The following INPP5A variants were observed in gnomAD, a reference collection of about 807,000 sequenced individuals.
INPP5A encodes inositol polyphosphate-5-phosphatase A.
In INPP5A, 14 loss-of-function variants were observed where a neutral mutation model predicts 65.2. The ratio of observed to expected loss-of-function variants is 0.21; its 90% CI spans 0.14 to 0.34. INPP5A has a LOEUF of 0.34. Among genes scored for constraint, INPP5A ranks in the 10% least tolerant of loss-of-function variants. The pLI is 1.00. For missense variants in INPP5A, 431 were observed against 545.6 expected, an observed-to-expected ratio of 0.79 and a Z score of 2.09; for synonymous variants, 207 against 208.3, an observed-to-expected ratio of 0.99 and a Z score of 0.05.
chr10:132,542,209 G>T (rs914680153), intron 1 of INPP5A, among the ~76,000 whole-genome samples: 2 of 152,236 alleles, frequency 1.3e-5, no homozygotes, highest in African/African-American at 2.4e-5. Flanking sequence ...TCAGTTCTGA[G>T]CCAGTTTGCC....
chr10:132,745,755 C>T (rs1252165612), intron 9 of INPP5A, among the ~76,000 whole-genome samples: 1 of 150,334 alleles, frequency 6.7e-6, no homozygotes, highest in Non-Finnish European at 1.5e-5. Context: ...GCTGTGGTGG[C>T]CTTGGGTATG....
intron 8 of INPP5A, among the ~76,000 whole-genome samples, chr10:132,722,873 T>G (rs1845912168): frequency 6.6e-6 from 1 of 152,250 alleles, no homozygotes; most frequent in Non-Finnish European, 1.5e-5. Flanking sequence ...TCATAATAGC[T>G]ACTGACAAGG....
chr10:132,685,227 C>G (rs2073099915), intron 4 of INPP5A, among the ~76,000 whole-genome samples: 1 of 152,238 alleles, frequency 6.6e-6, no homozygotes, highest in African/African-American at 2.4e-5. Flanking sequence ...GGGCCGTGGC[C>G]TCCTCCCTCA....
At chr10:132,681,695 G>A (rs1220950115) in intron 4 of INPP5A, among the ~76,000 whole-genome samples, 1 of 152,170 alleles carries the variant, frequency 6.6e-6, no homozygotes, top group Non-Finnish European at 1.5e-5. Context: ...TATTCAAAAA[G>A]TTAAAAATAG....
rs1308121337 is a variant in INPP5A, at chr10:132,607,953, C to T, written c.114C>T (p.Tyr38=). The change falls in exon 2 of 16, where the codon TAC becomes TAT. Residue 38 remains tyrosine, a synonymous_variant. Coordinates refer to ENST00000368594, the MANE Select transcript of INPP5A (RefSeq NM_005539.5). ...AGAAGAACTGGCTTCGGGAATTTTA[C>T]CAGGTAAGAACCACTGAAACGTGTT... ...NLQKNWLREF[Y]QVVHTHKPHF... The T allele has an allele frequency of 6.2e-7, 1 of 1,612,102 alleles. No individual in the cohort carries two copies. The highest frequency in any genetic ancestry group is 1.7e-5 in the Admixed American group (1 of 60,026).
intron 11 of INPP5A, among the ~76,000 whole-genome samples, chr10:132,760,935 C>G (rs1423788317): frequency 6.6e-6 from 1 of 152,230 alleles, no homozygotes; most frequent in Non-Finnish European, 1.5e-5. Flanking sequence ...GACCCACTTT[C>G]AGAGAAAGAA....
intron 9 of INPP5A, among the ~76,000 whole-genome samples, chr10:132,738,724 A>G (rs1206452314): frequency 1.3e-5 from 2 of 152,206 alleles, no homozygotes; most frequent in Non-Finnish European, 2.9e-5. Flanking sequence ...GAGGACATGA[A>G]AGAGTCTTTA....
intron 2 of INPP5A, among the ~76,000 whole-genome samples, chr10:132,611,587 G>A (rs2071951843): frequency 7.3e-6 from 1 of 137,218 alleles, no homozygotes; most frequent in Non-Finnish European, 1.6e-5. Context: ...CCTGTCAGGG[G>A]AGGGTGAGGG....
At chr10:132,581,750 T>C (rs1182934851) in intron 1 of INPP5A, among the ~76,000 whole-genome samples, 1 of 152,088 alleles carries the variant, frequency 6.6e-6, no homozygotes, top group African/African-American at 2.4e-5. Flanking sequence ...CGTTAGGGAG[T>C]TGCAGGGGGC....
intron 4 of INPP5A, among the ~76,000 whole-genome samples, chr10:132,671,539 C>G (rs1446822189): frequency 6.6e-6 from 1 of 152,218 alleles, no homozygotes; most frequent in Non-Finnish European, 1.5e-5. Context: ...ACACAACCTT[C>G]TTGGCTGGCA....
At chr10:132,660,714 T>C (rs914484467) in intron 4 of INPP5A, among the ~76,000 whole-genome samples, 5 of 152,060 alleles carry the variant, frequency 3.3e-5, no homozygotes, top group Non-Finnish European at 7.4e-5. Flanking sequence ...GAAATTTGAA[T>C]GTGATTAGGT....
intron 8 of INPP5A, among the ~76,000 whole-genome samples, chr10:132,716,006 C>T (rs963279149): frequency 3.3e-5 from 5 of 152,250 alleles, no homozygotes; most frequent in African/African-American, 7.2e-5. Context: ...AGGGCGTGGT[C>T]GGTCCACTGC....
At chr10:132,720,864 T>G (rs1487284860) in intron 8 of INPP5A, among the ~76,000 whole-genome samples, 2 of 150,120 alleles carry the variant, frequency 1.3e-5, no homozygotes, top group Non-Finnish European at 3.0e-5. Flanking sequence ...ACGGCTGTCT[T>G]CAGGGATCTG....
intron 8 of INPP5A, among the ~76,000 whole-genome samples, chr10:132,719,482 G>A (rs868258913): frequency 1.1e-3 from 158 of 138,720 alleles, no homozygotes; most frequent in South Asian, 6.1e-3. Context: ...GCTGTCTTGC[G>A]GGTTCTGTGG....
intron 9 of INPP5A, among the ~76,000 whole-genome samples, chr10:132,734,344 A>G (rs1447867865): frequency 6.6e-6 from 1 of 152,216 alleles, no homozygotes; most frequent in Non-Finnish European, 1.5e-5. Flanking sequence ...CCTGTGGTCC[A>G]GGGCCTCATT....
At chr10:132,656,692 G>T (rs2072661079) in intron 4 of INPP5A, among the ~76,000 whole-genome samples, 1 of 152,232 alleles carries the variant, frequency 6.6e-6, no homozygotes. Context: ...AGGTGAGCCG[G>T]TCCTGAAGGG....
chr10:132,557,077 G>A (rs571441539), intron 1 of INPP5A, among the ~76,000 whole-genome samples: 1 of 152,346 alleles, frequency 6.6e-6, no homozygotes, highest in South Asian at 2.1e-4. Flanking sequence ...TGTATGCTGT[G>A]ACACCGGTTT....
At chr10:132,671,914 C>T (rs528837458) in intron 4 of INPP5A, among the ~76,000 whole-genome samples, 55 of 152,278 alleles carry the variant, frequency 3.6e-4, no homozygotes, top group South Asian at 1.5e-3. Flanking sequence ...AAGGGGACAG[C>T]GCAGGAAAGG....
At chr10:132,568,913 T>A (rs1018164921) in intron 1 of INPP5A, among the ~76,000 whole-genome samples, 1 of 145,706 alleles carries the variant, frequency 6.9e-6, no homozygotes, top group African/African-American at 2.5e-5. Flanking sequence ...TTACCGGCAT[T>A]TTTTTTTTTT....
Sources: gnomAD v4.1 joint callset for allele counts (sites outside exome capture counted in the v4.1 genomes callset) on GRCh38, gnomAD v4.1.1 for gene constraint, MANE v1.5 for transcripts, NCBI Gene and HGNC (gene_info 2026-07-23, HGNC 2026-07-21) for gene names.